The following GIN1 variants were observed in gnomAD, a reference collection of about 807,000 sequenced individuals.
GIN1 encodes gypsy retrotransposon integrase 1.
A neutral mutation model predicts 51.4 loss-of-function variants in GIN1; 41 were observed. The ratio of observed to expected loss-of-function variants is 0.80; its 90% confidence interval spans 0.62 to 1.04. The LOEUF (loss-of-function observed/expected upper bound fraction) is 1.04. Ranked by LOEUF, GIN1 falls within the 50% of genes least tolerant of loss-of-function variation. The pLI, the probability that GIN1 is intolerant of heterozygous loss-of-function variation, is 0.00. For synonymous variants in GIN1, 222 were observed against 206.5 expected (o/e 1.07, Z -0.64); for missense variants, 610 against 612.4 (o/e 1.00, Z 0.04).
chr5:103,113,850 C>G lies in GIN1; in HGVS notation c.-7-5136G>C, dbSNP rs10479247. Among the ~76,000 whole-genome samples the G allele has an allele frequency of 3.7e-3, 568 of 152,262 alleles. 1 individual carries two copies. The highest frequency in any genetic ancestry group is 0.013 in the African/African-American group (535 of 41,554). ...AGGTCCAACCTCTTAATACCATCAC[C>G]TTGGTGGTTAGGATTTCAACATATG... On this transcript the variant is annotated intron_variant, in intron 1 of 7. Coordinates refer to ENST00000399004, the MANE Select transcript of GIN1 (RefSeq NM_017676.2).
intron 4 of GIN1, chr5:103,102,301 C>T (rs1787596976): frequency 6.6e-6 from 1 of 152,168 alleles, no homozygotes; most frequent in Non-Finnish European, 1.5e-5. Context: ...ATTTGTGACA[C>T]TAGCTTTATC....
chr5:103,092,942 T>C (rs1787289888), intron 7 of GIN1, among the ~76,000 whole-genome samples: 1 of 23,432 alleles, frequency 4.3e-5, no homozygotes, highest in South Asian at 2.9e-3. Context: ...TAAGAACCTG[T>C]CTCAAAAAAA....
intron 7 of GIN1, 124 bp from the exon 8 acceptor site, chr5:103,088,296 T>C (rs1787137002): frequency 5.3e-6 from 3 of 570,760 alleles, no homozygotes; most frequent in East Asian, 5.9e-5. Context: ...GATTAACTTC[T>C]AGGGAGTTAT....
chr5:103,112,671 A>G (rs542527275), intron 1 of GIN1, among the ~76,000 whole-genome samples: 2 of 152,270 alleles, frequency 1.3e-5, no homozygotes, highest in African/African-American at 4.8e-5. Context: ...TAGCATCTCA[A>G]TGAAGCAAGT....
chr5:103,119,534 A>AAGTTAAATCC (rs1788294487), intron 1 of GIN1, among the ~76,000 whole-genome samples: 1 of 152,178 alleles, frequency 6.6e-6, no homozygotes, highest in Admixed American at 6.5e-5. Context: ...ATTTAAGAAA[A>AAGTTAAATCC]ACCTACACTG....
chr5:103,100,160 G>C (rs1452841290), intron 4 of GIN1, among the ~76,000 whole-genome samples: 2 of 150,850 alleles, frequency 1.3e-5, no homozygotes, highest in Non-Finnish European at 2.9e-5. Context: ...AGGCTAGAGT[G>C]CATGATCTTG....
At chr5:103,112,661 T>C (rs1787919202) in intron 1 of GIN1, among the ~76,000 whole-genome samples, 1 of 152,184 alleles carries the variant, frequency 6.6e-6, no homozygotes, top group Non-Finnish European at 1.5e-5. Context: ...AATCAAGCTC[T>C]AGCATCTCAA....
At position 103,087,874 on chromosome 5, in the gene GIN1, A is replaced by T. The variant is rs1554194061; in HGVS notation, c.*24T>A. On this transcript the variant is annotated 3_prime_UTR_variant, in exon 8 of 8. Transcript: ENST00000399004. Reference sequence around the variant, plus strand: ...TTAAGAATTTATATTCTAAACAAACAATTTAAATAAATTTTGGTATTTACT... The same window carrying T: ...TTAAGAATTTATATTCTAAACAAACTATTTAAATAAATTTTGGTATTTACT... The T allele has an allele frequency of 1.0e-6, 1 of 993,848 alleles. No individual in the cohort carries two copies. Among genetic ancestry groups the T allele is most frequent in the Non-Finnish European group, 1.5e-6 (1 of 683,826 alleles). 61.6% of individuals were successfully genotyped at this position (993,848 alleles called of 1,614,324 possible). A position where few individuals can be genotyped will look rare whatever the true frequency, so the allele number is the denominator to read the frequency against.
rs1419957659 is a variant in GIN1 at position 103,096,756 on chromosome 5, TTTAA to T, written c.1075_1078del (p.Leu359IlefsTer5). The T allele has an allele frequency of 1.2e-6, 2 of 1,610,786 alleles. No homozygotes were observed. The highest frequency in any genetic ancestry group is 1.7e-6 in the Non-Finnish European group (2 of 1,177,096). Reference sequence around the variant, plus strand: ...ATGACCCACTTTTAAATGAAATGGATTTAATTGTTTGGGTTTCTTTTTAACAATG... The same window carrying T: ...ATGACCCACTTTTAAATGAAATGGATTTGTTTGGGTTTCTTTTTAACAATG... On this transcript the variant is annotated frameshift_variant, in exon 7 of 8. Coordinates refer to ENST00000399004, the MANE Select transcript of GIN1 (RefSeq NM_017676.2). LOFTEE classifies it high-confidence loss of function.
chr5:103,112,124 A>AG (rs1787905470), intron 1 of GIN1, among the ~76,000 whole-genome samples: 1 of 152,164 alleles, frequency 6.6e-6, no homozygotes. Flanking sequence ...GAGCTCTTTA[A>AG]GGTTTTTGGT....
chr5:103,103,444 A>G (rs983775389), intron 4 of GIN1, among the ~76,000 whole-genome samples: 24 of 152,210 alleles, frequency 1.6e-4, no homozygotes, highest in African/African-American at 5.5e-4. Flanking sequence ...GCCATGGCAC[A>G]TGTCCTATCT....
At chr5:103,109,977 A>G (rs1554196764) in intron 1 of GIN1, among the ~76,000 whole-genome samples, 1 of 152,176 alleles carries the variant, frequency 6.6e-6, no homozygotes, top group Non-Finnish European at 1.5e-5. Flanking sequence ...TATCAACACA[A>G]TGAGGAAAGA....
At chr5:103,100,692 C>T (rs545914623) in intron 4 of GIN1, among the ~76,000 whole-genome samples, 1 of 152,104 alleles carries the variant, frequency 6.6e-6, no homozygotes, top group Non-Finnish European at 1.5e-5. Flanking sequence ...ATGCTTGGCC[C>T]TATTGTTACC....
intron 7 of GIN1, among the ~76,000 whole-genome samples, chr5:103,094,456 G>C (rs555529105): frequency 6.6e-6 from 1 of 152,210 alleles, no homozygotes; most frequent in African/African-American, 2.4e-5. Flanking sequence ...GAAGAATCTT[G>C]TGCAAAGAAT....
In GIN1 at chr5:103,088,360, C is replaced by G. The variant is rs7719519; in HGVS notation, c.1295-188G>C. Among the ~76,000 whole-genome samples the G allele has an allele frequency of 9.3e-4, 142 of 152,244 alleles. 1 individual carries two copies. Among genetic ancestry groups the G allele is most frequent in the African/African-American group, 3.3e-3 (139 of 41,544 alleles). Reference sequence around the variant, plus strand: ...ATAAAAAAATGACATATAAATTTGACAGTTCATACATAAACAATGCAGGAA... The same window carrying G: ...ATAAAAAAATGACATATAAATTTGAGAGTTCATACATAAACAATGCAGGAA... On this transcript the variant is annotated intron_variant, in intron 7 of 7. Transcript: ENST00000399004.
intron 1 of GIN1, among the ~76,000 whole-genome samples, chr5:103,109,555 G>A (rs979359977): frequency 6.6e-6 from 1 of 152,024 alleles, no homozygotes; most frequent in Non-Finnish European, 1.5e-5. Flanking sequence ...TCCAGAGAGA[G>A]TAACAGTACA....
At chr5:103,102,360 C>G (rs1787598714) in intron 4 of GIN1, 1 of 152,170 alleles carries the variant, frequency 6.6e-6, no homozygotes, top group East Asian at 1.9e-4. Flanking sequence ...CCCTTAACAT[C>G]TGTTTGACAC....
intron 1 of GIN1, among the ~76,000 whole-genome samples, chr5:103,117,552 A>G (rs782391953): frequency 1.3e-5 from 2 of 151,936 alleles, no homozygotes; most frequent in Non-Finnish European, 2.9e-5. Context: ...GTGCAGGGAC[A>G]TTTGGTTCTC....
At chr5:103,098,458 C>A (rs2151466585) in intron 4 of GIN1, among the ~76,000 whole-genome samples, 1 of 152,192 alleles carries the variant, frequency 6.6e-6, no homozygotes, top group South Asian at 2.1e-4. Context: ...TTAACGTTAA[C>A]TTTGAGTTTA....
Sources: allele counts gnomAD v4.1 joint callset (sites outside exome capture counted in the v4.1 genomes callset), GRCh38; gene constraint gnomAD v4.1.1; transcripts MANE v1.5; gene names NCBI Gene and HGNC (gene_info 2026-07-23, HGNC 2026-07-21).